The following BIN3 variants were observed in gnomAD, a reference collection of about 807,000 sequenced individuals.
BIN3 encodes the protein bridging integrator 3.
BIN3 carries 41 observed loss-of-function variants against 38.2 expected under a neutral mutation model. The observed-to-expected ratio is 1.07, with a 90% CI of 0.84 to 1.39. The LOEUF (loss-of-function observed/expected upper bound fraction) is 1.39. Among genes scored for constraint, BIN3 ranks in the 40% most tolerant of loss-of-function variants. BIN3 has a pLI of 0.00. For missense variants in BIN3, 361 were observed against 324.3 expected (o/e 1.11, Z -0.87); for synonymous variants, 145 against 122.6 (o/e 1.18, Z -1.21).
At chr8:22,623,618 G>A (rs551775883) in intron 8 of BIN3, among the ~76,000 whole-genome samples, 10 of 152,356 alleles carry the variant, frequency 6.6e-5, no homozygotes, top group African/African-American at 2.4e-4. Flanking sequence ...GGGCAGAGGA[G>A]CTACTTATAG....
chr8:22,634,019 C>G (rs925411662), intron 4 of BIN3, among the ~76,000 whole-genome samples: 1 of 152,226 alleles, frequency 6.6e-6, no homozygotes, highest in African/African-American at 2.4e-5. Context: ...CGGTGCGTCA[C>G]GGACCCCTGA....
At chr8:22,648,892 A>AATGT (rs1458136128) in intron 1 of BIN3, among the ~76,000 whole-genome samples, 9 of 108,286 alleles carry the variant, frequency 8.3e-5, no homozygotes, top group Non-Finnish European at 1.5e-4. Flanking sequence ...TATCCACATC[A>AATGT]ACGTATGTAT....
At position 22,630,790 on chromosome 8, in the gene BIN3, ATTCTT is replaced by A. The variant is rs529389933; in HGVS notation, c.161-217_161-213del. On this transcript the variant is annotated intron_variant, in intron 4 of 8. Transcript: ENST00000276416. ...CCTGACCCTAACACTGCTCCAGACA[ATTCTT>A]TTGAGCCGCTTTACCTGTTCTCCAA... Among the ~76,000 whole-genome samples the A allele has an allele frequency of 5.9e-5, 9 of 152,270 alleles. No homozygotes were observed. The East Asian group carries it at 1.4e-3, about 23-fold the overall frequency.
chr8:22,635,499 G>C (rs1585185582), intron 4 of BIN3, among the ~76,000 whole-genome samples: 2 of 152,152 alleles, frequency 1.3e-5, no homozygotes, highest in Non-Finnish European at 2.9e-5. Context: ...CAGGGAAGGA[G>C]CTGCAGGAGT....
intron 1 of BIN3, chr8:22,645,021 G>A: frequency 2.0e-6 from 1 of 503,718 alleles, no homozygotes; most frequent in Non-Finnish European, 3.7e-6. Context: ...TCAGATGCAG[G>A]TTGCTCTGCC....
Position 22,663,179 on chromosome 8 carries a change from A to G in BIN3, c.8+5865T>C, listed in dbSNP as rs1165521295. On this transcript the variant is annotated intron_variant, in intron 1 of 8. Transcript: ENST00000276416. Reference sequence around the variant, plus strand: ...AAATATCAGAGTGCATTGCACACATACTGTGTCAAACTTTTATTTCAAGTA... The same window carrying G: ...AAATATCAGAGTGCATTGCACACATGCTGTGTCAAACTTTTATTTCAAGTA... Among the ~76,000 whole-genome samples, 5 of 149,972 alleles carry G rather than the reference A, an allele frequency of 3.3e-5. No individual in the cohort carries two copies. The East Asian group carries it at 7.9e-4, about 24-fold the overall frequency.
At chr8:22,625,427 G>A (rs1563944007) in intron 6 of BIN3, 1 of 702,450 alleles carries the variant, frequency 1.4e-6, no homozygotes, top group Non-Finnish European at 2.6e-6. Context: ...ACATTTTTAT[G>A]AGGAACCCAG....
intron 1 of BIN3, among the ~76,000 whole-genome samples, chr8:22,652,097 T>TA (rs1352485412): frequency 1.3e-5 from 2 of 152,120 alleles, no homozygotes; most frequent in African/African-American, 4.8e-5. Context: ...ATGGATGCCT[T>TA]ATCTCTCTGA....
chr8:22,630,531 G>C lies in BIN3; in HGVS notation c.208C>G (p.Pro70Ala). 6.2e-7 allele frequency: 1 copy of C among 1,614,054 alleles called. No homozygotes were observed. The highest frequency in any genetic ancestry group is 8.5e-7 in the Non-Finnish European group (1 of 1,179,892). The change falls in exon 5 of 9, where the codon CCC (proline) becomes GCC (alanine). Residue 70 changes from proline to alanine, a missense_variant. Physicochemically the swap from Pro to Ala is conservative, Grantham distance 27. Coordinates refer to ENST00000276416, the MANE Select transcript of BIN3 (RefSeq NM_018688.6). ...VKISLDLLSNPLCEQDQDLLN... is the reference protein window; with the variant it reads ...VKISLDLLSNALCEQDQDLLN... ...AGGTCCTGGTCTTGCTCACAGAGGG[G>C]ATTGGAGAGTAAGTCCAAGGATATC...
intron 5 of BIN3, 132 bp from the exon 6 acceptor site, chr8:22,630,136 C>A: frequency 9.0e-7 from 1 of 1,116,186 alleles, no homozygotes. Context: ...CTGGGCCTGG[C>A]TTTGCTCAGG....
intron 4 of BIN3, among the ~76,000 whole-genome samples, chr8:22,632,170 C>T (rs1363061811): frequency 6.6e-6 from 1 of 152,174 alleles, no homozygotes; most frequent in African/African-American, 2.4e-5. Context: ...GAGACATTAA[C>T]TGTGGAAAAA....
chr8:22,627,362 G>GAA (rs1174804697), intron 6 of BIN3, among the ~76,000 whole-genome samples: 1 of 152,146 alleles, frequency 6.6e-6, no homozygotes, highest in East Asian at 1.9e-4. Flanking sequence ...CTGACCCTTT[G>GAA]AGGCCCCATC....
In BIN3 at chr8:22,630,499, G is replaced by C. The variant is rs372090933; in HGVS notation, c.240C>G (p.Asn80Lys). The part of the protein sequence containing the change: ...PLCEQDQDLL[N>K]MVTALDTAMK... ...TGGCCGTGTCCAGGGCCGTCACCAT[G>C]TTCAGAAGGTCCTGGTCTTGCTCAC... The change falls in exon 5 of 9, where the codon AAC (asparagine) becomes AAG (lysine). Residue 80 changes from asparagine (N) to lysine (K), a missense_variant. Transcript: ENST00000276416. 5.6e-6 allele frequency: 9 copies of C among 1,614,042 alleles called. No individual in the cohort carries two copies. Among genetic ancestry groups the C allele is most frequent in the Non-Finnish European group, 7.6e-6 (9 of 1,179,892 alleles).
chr8:22,627,232 A>G (rs1301708277), intron 6 of BIN3, among the ~76,000 whole-genome samples: 4 of 152,142 alleles, frequency 2.6e-5, no homozygotes. Flanking sequence ...GGGTAGGGAC[A>G]AGTGTCACAC....
At chr8:22,657,336 C>T (rs1438292312) in intron 1 of BIN3, among the ~76,000 whole-genome samples, 2 of 152,200 alleles carry the variant, frequency 1.3e-5, no homozygotes, top group Admixed American at 6.5e-5. Context: ...GGCTCCCAAT[C>T]CTTGTGTAAC....
chr8:22,625,113 A>G (rs1026739677), intron 6 of BIN3: 11 of 531,170 alleles, frequency 2.1e-5, no homozygotes, highest in African/African-American at 1.9e-4. Flanking sequence ...TGTGACTAGA[A>G]GGGACCGCGT....
rs544180047 is a variant in BIN3 at position 22,669,026 on chromosome 8, C to G, written c.8+18G>C. On this transcript the variant is annotated intron_variant, in intron 1 of 8. Transcript: ENST00000276416. ...GGTCCGCGGGTCCAGCAGCTCCCGC[C>G]GCCTGGGCCTCACTCACCAGCTCAT... 4.9e-5 allele frequency: 77 copies of G among 1,578,366 alleles called. No homozygotes were observed. The Admixed American group carries it at 9.8e-4, about 20-fold the overall frequency.
chr8:22,630,230 T>A (rs1363191494), intron 5 of BIN3, among the ~76,000 whole-genome samples: 1 of 152,158 alleles, frequency 6.6e-6, no homozygotes, highest in Non-Finnish European at 1.5e-5. Flanking sequence ...GTAAGTAACA[T>A]GAGCTCGTGG....
intron 1 of BIN3, among the ~76,000 whole-genome samples, chr8:22,664,856 C>T (rs55653131): frequency 0.011 from 1,602 of 152,264 alleles, 23 homozygotes; most frequent in African/African-American, 0.035. Context: ...GAGACAGCAA[C>T]GGTAATCATA....
Sources: gnomAD v4.1 joint callset for allele counts (sites outside exome capture counted in the v4.1 genomes callset) on GRCh38, gnomAD v4.1.1 for gene constraint, MANE v1.5 for transcripts, NCBI Gene and HGNC (gene_info 2026-07-23, HGNC 2026-07-21) for gene names.